PAX8: variants seen among roughly 807,000 people sequenced by gnomAD.
PAX8 encodes the protein paired box protein Pax-8.
PAX8 carries 15 observed loss-of-function variants against 52.4 expected under a neutral mutation model. The observed-to-expected ratio is 0.29, with a 90% CI of 0.19 to 0.44. The LOEUF (loss-of-function observed/expected upper bound fraction) is 0.44. Among genes scored for constraint, PAX8 ranks in the 20% least tolerant of loss-of-function variants. PAX8 has a pLI of 1.00. For synonymous variants in PAX8, 284 were observed against 249.7 expected (o/e 1.14, Z -1.29); for missense variants, 554 against 602.5 (o/e 0.92, Z 0.84).
intron 4 of PAX8, among the ~76,000 whole-genome samples, chr2:113,243,898 G>A (rs1051949184): frequency 1.3e-5 from 2 of 152,178 alleles, no homozygotes; most frequent in Non-Finnish European, 2.9e-5. Flanking sequence ...ATTTTTTGTA[G>A]GTAGTTGATT....
rs1488788424 is a variant in PAX8 at position 113,235,508 on chromosome 2, A to G, written c.973T>C (p.Ser325Pro). ...SSSSSTPSSL[S>P]SSAFLDLQQV... ...TGCAGATCCAAAAAGGCGGAGCTAG[A>G]TAAAGAGGAAGGGGTGGAGCTAGAA... The change falls in exon 9 of 12, where the codon TCT becomes CCT. Residue 325 changes from serine (S) to proline (P), a missense_variant. This residue lies in a region of PAX8 where 445 missense variants were observed against 409.9 expected (regional missense o/e 1.09). Transcript: ENST00000429538. 19 of 1,613,858 alleles carry G rather than the reference A, an allele frequency of 1.2e-5. No homozygotes were observed. Among genetic ancestry groups the G allele is most frequent in the Non-Finnish European group, 1.6e-5 (19 of 1,179,880 alleles).
At chr2:113,233,392 G>C (rs1420896857) in intron 9 of PAX8, among the ~76,000 whole-genome samples, 1 of 151,596 alleles carries the variant, frequency 6.6e-6, no homozygotes, top group South Asian at 2.1e-4. Flanking sequence ...TATAAAAAAG[G>C]GTCCATGGGC....
intron 4 of PAX8, among the ~76,000 whole-genome samples, chr2:113,243,745 C>T (rs1475565561): frequency 6.6e-6 from 1 of 152,244 alleles, no homozygotes; most frequent in Non-Finnish European, 1.5e-5. Flanking sequence ...GCATAACTGT[C>T]TGAGCTCTTT....
At position 113,242,581 on chromosome 2, in the gene PAX8, C is replaced by T; in HGVS notation, c.478+109G>A. ...ATGGGTTTGTGAATGGTACTGTGCA[C>T]AGCTATGTCTGTGTGGGTGTGTCTG... is the stretch of plus-strand genomic sequence containing the variant. On this transcript the variant is annotated intron_variant, in intron 5 of 11. Transcript: ENST00000429538. The T allele has an allele frequency of 1.2e-5, 10 of 825,220 alleles. No individual in the cohort carries two copies. The South Asian group carries it at 1.2e-4, about 10-fold the overall frequency. The allele number at this position is 825,220 out of a possible 1,614,324, so 51.1% of individuals were successfully genotyped here.
At chr2:113,253,982 A>G (rs1260041183) in intron 2 of PAX8, among the ~76,000 whole-genome samples, 2 of 152,230 alleles carry the variant, frequency 1.3e-5, no homozygotes, top group Non-Finnish European at 2.9e-5. Context: ...AGAAAGCTCC[A>G]TGAGGGGAAG....
In PAX8 at chr2:113,227,209, G is replaced by A. The variant is rs758369476; in HGVS notation, c.1135C>T (p.Pro379Ser). 2 of 1,611,124 alleles carry A rather than the reference G, an allele frequency of 1.2e-6. No homozygotes were observed. Among genetic ancestry groups the A allele is most frequent in the Non-Finnish European group, 1.7e-6 (2 of 1,179,078 alleles). The change falls in exon 10 of 12, where the codon CCC becomes TCC. Residue 379 changes from proline (P) to serine (S), a missense_variant. By Grantham distance (74) the Pro-to-Ser change is moderately conservative (BLOSUM62 -1). Around this residue, in one of 2 missense-constraint regions of PAX8, gnomAD observed 445 missense variants for 409.9 expected, o/e 1.09. Coordinates refer to ENST00000429538, the MANE Select transcript of PAX8 (RefSeq NM_003466.4). ...PTLPGYPPHI[P>S]TSGQGSYASS... ...GCATAGCTGCCCTGTCCGCTGGTGG[G>A]GATGTGGGGTGGGTATCCGGGCAGC...
In PAX8 at chr2:113,227,238, G is replaced by A; in HGVS notation, c.1106C>T (p.Pro369Leu). ...ALLSGREMVG[P>L]TLPGYPPHIP... The stretch of plus-strand genomic sequence containing the variant: ...GTGGGGTGGGTATCCGGGCAGCGTG[G>A]GCCCCACCATCTCTCGCCCTGGAAA... Residue 369 changes from proline to leucine, a missense_variant, in exon 10 of 12, where the codon CCC (proline) becomes CTC (leucine). Around this residue, in one of 2 missense-constraint regions of PAX8, gnomAD observed 445 missense variants for 409.9 expected, o/e 1.09. Transcript: ENST00000429538. 6.2e-7 allele frequency: 1 copy of A among 1,610,048 alleles called. No individual in the cohort carries two copies. The highest frequency in any genetic ancestry group is 8.5e-7 in the Non-Finnish European group (1 of 1,178,588).
chr2:113,264,996 A>G (rs149928758), intron 2 of PAX8, among the ~76,000 whole-genome samples: 105 of 152,368 alleles, frequency 6.9e-4, no homozygotes, highest in East Asian at 1.9e-3. Flanking sequence ...ATTGTACATC[A>G]GCAGTTTGCC....
intron 10 of PAX8, chr2:113,226,176 C>T: frequency 1.0e-6 from 1 of 985,416 alleles, no homozygotes. Context: ...GAGTGGGTGG[C>T]TGGCAAAGAT....
At chr2:113,262,951 G>A (rs535586344) in intron 2 of PAX8, among the ~76,000 whole-genome samples, 7 of 152,280 alleles carry the variant, frequency 4.6e-5, no homozygotes, top group East Asian at 1.9e-4. Context: ...TCACTGCAGC[G>A]CTAGCAAACG....
chr2:113,278,707 G>T, intron 1 of PAX8, 124 bp downstream of exon 1: 1 of 632,310 alleles, frequency 1.6e-6, no homozygotes, highest in Non-Finnish European at 2.5e-6. Flanking sequence ...TCCCTCCGCT[G>T]TCCCAGTCTT....
At chr2:113,226,838 C>G (rs1035712668) in intron 10 of PAX8, 1 of 1,283,478 alleles carries the variant, frequency 7.8e-7, no homozygotes, top group African/African-American at 1.5e-5. Flanking sequence ...CATTTATGCT[C>G]ACTGATTCAC....
At chr2:113,226,968 G>C in intron 10 of PAX8, 187 bp downstream of exon 10, 1 of 1,504,436 alleles carries the variant, frequency 6.6e-7, no homozygotes, top group Non-Finnish European at 8.9e-7. Flanking sequence ...AAGTTAAATA[G>C]GGAGTCAGGA....
chr2:113,241,891 T>G (rs1690879135), intron 6 of PAX8, 117 bp downstream of exon 6: 2 of 1,452,516 alleles, frequency 1.4e-6, no homozygotes, highest in Admixed American at 3.7e-5. Context: ...CATGTGACAG[T>G]CACATGCAGA....
chr2:113,258,229 C>T (rs909192349), intron 2 of PAX8, among the ~76,000 whole-genome samples: 12 of 152,196 alleles, frequency 7.9e-5, no homozygotes, highest in African/African-American at 2.9e-4. Context: ...AGAGAGGGCA[C>T]CTAATTCCTT....
At chr2:113,261,825 T>G (rs1162986348) in intron 2 of PAX8, among the ~76,000 whole-genome samples, 2 of 151,706 alleles carry the variant, frequency 1.3e-5, no homozygotes, top group African/African-American at 2.4e-5. Context: ...ATTTTAGGTT[T>G]TTTTTTTTTT....
intron 10 of PAX8, chr2:113,226,168 G>A: frequency 1.0e-6 from 1 of 985,440 alleles, no homozygotes; most frequent in African/African-American, 1.7e-5. Flanking sequence ...GGTGCCCAGA[G>A]TGGGTGGCTG....
At chr2:113,244,358 T>G in intron 4 of PAX8, 69 bp downstream of exon 4, 1 of 1,232,050 alleles carries the variant, frequency 8.1e-7, no homozygotes. Flanking sequence ...AGGCCTTTCT[T>G]GTCTCTTTCC....
chr2:113,224,704 G>A (rs929985941), intron 10 of PAX8, among the ~76,000 whole-genome samples: 1 of 151,890 alleles, frequency 6.6e-6, no homozygotes, highest in African/African-American at 2.4e-5. Context: ...TGGAAAGATA[G>A]ATGACTGGAT....
Sources: allele counts gnomAD v4.1 joint callset (sites outside exome capture counted in the v4.1 genomes callset), GRCh38; gene constraint gnomAD v4.1.1; regional missense constraint gnomAD v4.1.1; transcripts MANE v1.5; gene names NCBI Gene and HGNC (gene_info 2026-07-23, HGNC 2026-07-21).